Variants in NEO1 observed in about 807,000 individuals in gnomAD.
NEO1 encodes neogenin 1.
A neutral mutation model predicts 159.7 loss-of-function variants in NEO1; 63 were observed. That is an observed-to-expected ratio of 0.39 (90% confidence interval 0.32 to 0.49). NEO1 has a LOEUF of 0.49. Ranked by LOEUF, NEO1 falls within the 20% of genes least tolerant of loss-of-function variation. The probability of loss-of-function intolerance (pLI) is 0.85; values close to 1 mark genes in which losing one functional copy is unlikely to be tolerated. For synonymous variants in NEO1, 633 were observed against 662.0 expected (o/e 0.96, Z 0.67); for missense variants, 1,615 against 1,831.0 (o/e 0.88, Z 2.15).
intron 5 of NEO1, among the ~76,000 whole-genome samples, chr15:73,148,196 C>A (rs139059819): frequency 9.2e-5 from 14 of 152,268 alleles, no homozygotes; most frequent in Non-Finnish European, 1.8e-4. Context: ...ATCAAATCTA[C>A]AAGCTTTGGT....
At chr15:73,203,230 A>C (rs1272512590) in intron 7 of NEO1, among the ~76,000 whole-genome samples, 1 of 152,212 alleles carries the variant, frequency 6.6e-6, no homozygotes, top group Non-Finnish European at 1.5e-5. Flanking sequence ...CCACTGATGC[A>C]GAAGAGTTCC....
chr15:73,116,950 T>G, intron 2 of NEO1, 93 bp downstream of exon 2: 2 of 1,000,206 alleles, frequency 2.0e-6, no homozygotes, highest in Non-Finnish European at 2.9e-6. Context: ...TTCTTTTAAT[T>G]AGTAGCAACA....
chr15:73,293,355 T>C, intron 25 of NEO1, 35 bp from the exon 26 acceptor site: 1 of 1,612,128 alleles, frequency 6.2e-7, no homozygotes, highest in Non-Finnish European at 8.5e-7. Flanking sequence ...TGTGCAAGCA[T>C]GTTAAGCATT....
At chr15:73,119,315 T>G (rs1025896324) in intron 2 of NEO1, among the ~76,000 whole-genome samples, 1 of 152,208 alleles carries the variant, frequency 6.6e-6, no homozygotes, top group African/African-American at 2.4e-5. Context: ...AAATTGCCAA[T>G]CTAAAAGACT....
Position 73,266,304 on chromosome 15 carries a change from C to T in NEO1, c.2399-12C>T, listed in dbSNP as rs768548077. 1 of 1,590,554 alleles carries T rather than the reference C, an allele frequency of 6.3e-7. No homozygotes were observed. The highest frequency in any genetic ancestry group is 8.6e-7 in the Non-Finnish European group (1 of 1,167,256). ...GTGAGCATTTTTTTAATGTGTGTTT[C>T]TTTTTTTTCAGATCCCAGCTCTCAC... On this transcript the variant is annotated splice_polypyrimidine_tract_variant and intron_variant, in intron 15 of 28. Transcript: ENST00000261908.
At chr15:73,247,937 A>G (rs905913042) in intron 9 of NEO1, among the ~76,000 whole-genome samples, 4 of 152,142 alleles carry the variant, frequency 2.6e-5, no homozygotes. Context: ...CATACATCCT[A>G]TCGTGGGTAT....
intron 21 of NEO1, among the ~76,000 whole-genome samples, chr15:73,275,698 G>A (rs144590466): frequency 8.5e-5 from 13 of 152,078 alleles, no homozygotes; most frequent in Non-Finnish European, 1.5e-4. Context: ...TAATTGAAAT[G>A]GGGACCTAGC....
chr15:73,082,351 A>ACC (rs937037871), intron 1 of NEO1, among the ~76,000 whole-genome samples: 3 of 152,156 alleles, frequency 2.0e-5, no homozygotes, highest in African/African-American at 7.2e-5. Flanking sequence ...GTTTCTGTCT[A>ACC]CCGCATCGTA....
At chr15:73,225,123 G>A (rs1371664805) in intron 7 of NEO1, among the ~76,000 whole-genome samples, 4 of 152,136 alleles carry the variant, frequency 2.6e-5, no homozygotes, top group Non-Finnish European at 5.9e-5. Flanking sequence ...GCTGGTACTG[G>A]GGGTTGTCTG....
intron 4 of NEO1, among the ~76,000 whole-genome samples, chr15:73,131,373 T>C (rs1434706356): frequency 1.3e-5 from 2 of 152,162 alleles, no homozygotes; most frequent in Admixed American, 6.5e-5. Context: ...TCAGTGCAGG[T>C]TTGAAAAAAT....
At chr15:73,068,223 A>AT (rs2068324455) in intron 1 of NEO1, among the ~76,000 whole-genome samples, 2 of 82,972 alleles carry the variant, frequency 2.4e-5, no homozygotes, top group East Asian at 4.4e-4. Flanking sequence ...TTGTCCCCCT[A>AT]CCCCCCCCCC....
chr15:73,126,670 A>T, intron 4 of NEO1, 100 bp downstream of exon 4: 1 of 1,051,716 alleles, frequency 9.5e-7, no homozygotes, highest in Non-Finnish European at 1.4e-6. Flanking sequence ...TATCAACTTT[A>T]TTTAAACACA....
chr15:73,273,574 G>A (rs566298960), intron 19 of NEO1, among the ~76,000 whole-genome samples: 2 of 152,306 alleles, frequency 1.3e-5, no homozygotes, highest in East Asian at 1.9e-4. Context: ...TCAGGTGACA[G>A]TTCACTGTGG....
chr15:73,270,275 A>G, intron 17 of NEO1, 41 bp from the exon 18 acceptor site: 1 of 1,613,876 alleles, frequency 6.2e-7, no homozygotes, highest in Non-Finnish European at 8.5e-7. Flanking sequence ...CTAATCATTG[A>G]TACTTTCTAA....
intron 7 of NEO1, among the ~76,000 whole-genome samples, chr15:73,184,874 G>A (rs989933772): frequency 6.6e-6 from 1 of 152,108 alleles, no homozygotes; most frequent in African/African-American, 2.4e-5. Context: ...GTTGCAGTGA[G>A]CCAAGATTGC....
intron 7 of NEO1, among the ~76,000 whole-genome samples, chr15:73,225,458 C>CT (rs1412043594): frequency 7.2e-5 from 11 of 152,040 alleles, no homozygotes; most frequent in Non-Finnish European, 1.5e-4. Flanking sequence ...AGCTCAGACT[C>CT]TCCTTGGGCG....
intron 1 of NEO1, among the ~76,000 whole-genome samples, chr15:73,090,247 T>C (rs1006547619): frequency 6.6e-6 from 1 of 152,142 alleles, no homozygotes; most frequent in Non-Finnish European, 1.5e-5. Flanking sequence ...CAGGTTGGAG[T>C]GCAGTAGCGC....
intron 1 of NEO1, among the ~76,000 whole-genome samples, chr15:73,093,977 T>C (rs889727153): frequency 2.0e-5 from 3 of 152,316 alleles, no homozygotes; most frequent in South Asian, 4.1e-4. Context: ...CTTTGGGCAC[T>C]ACAACATGCT....
intron 7 of NEO1, among the ~76,000 whole-genome samples, chr15:73,199,674 A>G (rs181647583): frequency 6.6e-6 from 1 of 152,308 alleles, no homozygotes; most frequent in East Asian, 1.9e-4. Context: ...AAAATACCTT[A>G]GACTGGGTGA....
Sources: allele counts gnomAD v4.1 joint callset (sites outside exome capture counted in the v4.1 genomes callset), GRCh38; gene constraint gnomAD v4.1.1; transcripts MANE v1.5; gene names NCBI Gene and HGNC (gene_info 2026-07-23, HGNC 2026-07-21).